PID1: variants seen among roughly 807,000 people sequenced by gnomAD.
The protein encoded by PID1 is phosphotyrosine interaction domain containing 1.
PID1 carries 10 observed loss-of-function variants against 19.1 expected under a neutral mutation model. That is an observed-to-expected ratio of 0.52 (90% CI 0.32 to 0.89). The LOEUF is 0.89. Among genes scored for constraint, PID1 ranks in the 40% least tolerant of loss-of-function variants. The pLI is 0.03. For missense variants in PID1, 248 were observed against 285.3 expected, an observed-to-expected ratio of 0.87 and a Z score of 0.94; for synonymous variants, 130 against 116.0, an observed-to-expected ratio of 1.12 and a Z score of -0.78.
chr2:229,246,531 G>A (rs1018081260), intron 1 of PID1, among the ~76,000 whole-genome samples: 3 of 152,052 alleles, frequency 2.0e-5, no homozygotes, highest in Admixed American at 2.0e-4. Context: ...TTGAGCTGTG[G>A]GCACACACAC....
At chr2:229,123,940 T>C (rs1165833183) in intron 2 of PID1, among the ~76,000 whole-genome samples, 1 of 152,166 alleles carries the variant, frequency 6.6e-6, no homozygotes, top group Non-Finnish European at 1.5e-5. Context: ...TTTGCAAATA[T>C]TTTCTTCAAT....
At chr2:229,035,539 T>TGC (rs1693646644) in intron 2 of PID1, among the ~76,000 whole-genome samples, 2 of 143,994 alleles carry the variant, frequency 1.4e-5, no homozygotes, top group Non-Finnish European at 3.1e-5. Flanking sequence ...TGTGTGTGTG[T>TGC]GCACCAACCT....
At chr2:229,212,878 G>A (rs138518358) in intron 1 of PID1, among the ~76,000 whole-genome samples, 168 of 151,964 alleles carry the variant, frequency 1.1e-3, no homozygotes, top group African/African-American at 3.6e-3. Flanking sequence ...TGTCCCACAC[G>A]TCCCGGCTGA....
In PID1 at chr2:229,182,481, T is replaced by C. The variant is rs552222238; in HGVS notation, c.31-26517A>G. On this transcript the variant is annotated intron_variant, in intron 1 of 2. Transcript: ENST00000392055. ...AAATTTACTTAAAATCTTAGGTACT[T>C]AGAGGTCACTTGTCCACAGCTCCAT... Among the ~76,000 whole-genome samples the C allele has an allele frequency of 3.3e-5, 5 of 152,270 alleles. No individual in the cohort carries two copies. The East Asian group carries it at 9.7e-4, about 29-fold the overall frequency.
intron 1 of PID1, among the ~76,000 whole-genome samples, chr2:229,174,087 TC>T (rs1276241138): frequency 2.0e-5 from 3 of 152,114 alleles, no homozygotes; most frequent in African/African-American, 4.8e-5. Context: ...TGCACATAAT[TC>T]CTTATCTCAG....
chr2:229,266,435 A>G (rs1690594069), intron 1 of PID1, among the ~76,000 whole-genome samples: 1 of 148,394 alleles, frequency 6.7e-6, no homozygotes, highest in Admixed American at 6.6e-5. Context: ...ATGTGCCACC[A>G]AAGATTTGAG....
At chr2:229,058,651 C>T (rs971932030) in intron 2 of PID1, among the ~76,000 whole-genome samples, 7 of 147,890 alleles carry the variant, frequency 4.7e-5, no homozygotes, top group African/African-American at 1.7e-4. Flanking sequence ...TTCAAAGAAA[C>T]TTGATAAGAA....
At chr2:229,227,424 A>C (rs1294328574) in intron 1 of PID1, among the ~76,000 whole-genome samples, 1 of 152,210 alleles carries the variant, frequency 6.6e-6, no homozygotes, top group Non-Finnish European at 1.5e-5. Context: ...ATGTCTATGC[A>C]TCTCAACTAT....
chr2:229,177,317 T>C (rs1236582810), intron 1 of PID1, among the ~76,000 whole-genome samples: 1 of 152,168 alleles, frequency 6.6e-6, no homozygotes, highest in Admixed American at 6.5e-5. Flanking sequence ...ATATAATACA[T>C]GCACTTCACA....
intron 2 of PID1, among the ~76,000 whole-genome samples, chr2:229,114,603 C>G (rs1695372799): frequency 6.6e-6 from 1 of 152,024 alleles, no homozygotes; most frequent in South Asian, 2.1e-4. Flanking sequence ...GCCAAATGAC[C>G]CTTCCCTCCT....
At chr2:229,103,571 A>ATTTTTTTTTT (rs60510809) in intron 2 of PID1, among the ~76,000 whole-genome samples, 1 of 76,236 alleles carries the variant, frequency 1.3e-5, no homozygotes, top group African/African-American at 5.0e-5. Context: ...ATATGCTGGA[A>ATTTTTTTTTT]TTTTTTTTTT....
At chr2:229,152,857 C>T (rs1026974308) in intron 2 of PID1, among the ~76,000 whole-genome samples, 7 of 152,004 alleles carry the variant, frequency 4.6e-5, no homozygotes, top group African/African-American at 1.7e-4. Context: ...TTTGCTTCCT[C>T]CTGCCTCTTT....
At chr2:229,186,197 G>A (rs1383728387) in intron 1 of PID1, among the ~76,000 whole-genome samples, 1 of 152,084 alleles carries the variant, frequency 6.6e-6, no homozygotes, top group Non-Finnish European at 1.5e-5. Flanking sequence ...CTATGGTCTT[G>A]GGCAGCTCCA....
At chr2:229,249,478 A>G (rs1690091093) in intron 1 of PID1, among the ~76,000 whole-genome samples, 1 of 152,222 alleles carries the variant, frequency 6.6e-6, no homozygotes, top group Admixed American at 6.5e-5. Context: ...AAATATATTC[A>G]CTGAGCTTGT....
chr2:229,132,752 A>G (rs1689770406), intron 2 of PID1, among the ~76,000 whole-genome samples: 1 of 152,196 alleles, frequency 6.6e-6, no homozygotes, highest in African/African-American at 2.4e-5. Flanking sequence ...ACCCAATTCA[A>G]TATGTAATTC....
chr2:229,182,098 T>C (rs1164628159), intron 1 of PID1, among the ~76,000 whole-genome samples: 1 of 152,202 alleles, frequency 6.6e-6, no homozygotes, highest in African/African-American at 2.4e-5. Context: ...TTTAGGGCAA[T>C]GTAACTACTG....
At chr2:229,066,349 AG>A (rs1230894533) in intron 2 of PID1, among the ~76,000 whole-genome samples, 1 of 152,208 alleles carries the variant, frequency 6.6e-6, no homozygotes, top group African/African-American at 2.4e-5. Context: ...ATGTGACAAG[AG>A]GGGAGGTATT....
At chr2:229,165,037 C>G (rs1044698306) in intron 1 of PID1, among the ~76,000 whole-genome samples, 1 of 152,224 alleles carries the variant, frequency 6.6e-6, no homozygotes, top group South Asian at 2.1e-4. Flanking sequence ...ATTGCCTGCT[C>G]GCATCAGCCA....
At chr2:229,109,753 T>C (rs1440650705) in intron 2 of PID1, among the ~76,000 whole-genome samples, 2 of 152,188 alleles carry the variant, frequency 1.3e-5, no homozygotes, top group African/African-American at 2.4e-5. Context: ...CTGGAATGTA[T>C]GAAAAAATGT....
Sources: allele counts gnomAD v4.1 joint callset (sites outside exome capture counted in the v4.1 genomes callset), GRCh38; gene constraint gnomAD v4.1.1; transcripts MANE v1.5; gene names NCBI Gene and HGNC (gene_info 2026-07-23, HGNC 2026-07-21).